Variants in NRXN3 observed in about 807,000 individuals in gnomAD.
NRXN3 encodes the protein neurexin III.
In NRXN3, 32 loss-of-function variants were observed where a neutral mutation model predicts 137.6. That is an observed-to-expected ratio of 0.23 (90% CI 0.18 to 0.31). The LOEUF is 0.31. Ranked by LOEUF, NRXN3 falls within the 10% of genes least tolerant of loss-of-function variation. NRXN3 has a pLI of 1.00. For synonymous variants in NRXN3, 798 were observed against 784.5 expected (o/e 1.02, Z -0.29); for missense variants, 1,574 against 2,062.5 (o/e 0.76, Z 4.59).
intron 4 of NRXN3, among the ~76,000 whole-genome samples, chr14:78,454,579 T>C (rs2094636343): frequency 6.6e-6 from 1 of 152,236 alleles, no homozygotes; most frequent in Non-Finnish European, 1.5e-5. Context: ...GGATTTGGTC[T>C]GTCTCATTTA....
At chr14:79,377,925 A>T (rs927971703) in intron 15 of NRXN3, among the ~76,000 whole-genome samples, 1 of 152,212 alleles carries the variant, frequency 6.6e-6, no homozygotes, top group Non-Finnish European at 1.5e-5. Flanking sequence ...TCAGTTATAC[A>T]GGTTGAAATG....
At chr14:78,761,211 C>T (rs964370371) in intron 8 of NRXN3, among the ~76,000 whole-genome samples, 2 of 152,168 alleles carry the variant, frequency 1.3e-5, no homozygotes, top group Non-Finnish European at 2.9e-5. Context: ...ATATGTGTTT[C>T]TTCTTGAGAC....
intron 19 of NRXN3, among the ~76,000 whole-genome samples, chr14:79,719,026 A>T (rs1324569647): frequency 6.6e-6 from 1 of 152,126 alleles, no homozygotes; most frequent in Non-Finnish European, 1.5e-5. Flanking sequence ...TGGATTTTAA[A>T]TGTTACCTTC....
chr14:79,470,878 GAGAGAGAGAA>G (rs2096491560), intron 16 of NRXN3, among the ~76,000 whole-genome samples: 1 of 151,378 alleles, frequency 6.6e-6, no homozygotes, highest in Non-Finnish European at 1.5e-5. Context: ...GTGTGTGAGA[GAGAGAGAGAA>G]AGAGAGAGAG....
intron 15 of NRXN3, among the ~76,000 whole-genome samples, chr14:79,410,674 T>G (rs1426967463): frequency 6.6e-6 from 1 of 152,126 alleles, no homozygotes; most frequent in Non-Finnish European, 1.5e-5. Context: ...CTAAATAGCC[T>G]TTATGTCCCA....
intron 16 of NRXN3, among the ~76,000 whole-genome samples, chr14:79,588,079 T>C (rs369500859): frequency 2.6e-5 from 4 of 152,168 alleles, no homozygotes; most frequent in Non-Finnish European, 5.9e-5. Context: ...AAATGTCATG[T>C]GTCAAGGTGT....
At chr14:79,426,739 T>A (rs1263916203) in intron 15 of NRXN3, among the ~76,000 whole-genome samples, 1 of 152,146 alleles carries the variant, frequency 6.6e-6, no homozygotes, top group Non-Finnish European at 1.5e-5. Flanking sequence ...GGGACTGTCA[T>A]GGGGAGGGAC....
At position 78,575,641 on chromosome 14, in the gene NRXN3, A is replaced by T. The variant is rs1199177592; in HGVS notation, c.758-69479A>T. Among the ~76,000 whole-genome samples, 10 of 152,342 alleles carry T rather than the reference A, an allele frequency of 6.6e-5. No individual in the cohort carries two copies. In the East Asian group the frequency reaches 1.9e-3, roughly 29 times the overall value. ...AAAATTCCTTAGAGTTTATATTCTAATGGCGAGTCATAAGTAATCTACAAA... is the reference window on the plus strand; with the variant it reads ...AAAATTCCTTAGAGTTTATATTCTATTGGCGAGTCATAAGTAATCTACAAA... On this transcript the variant is annotated intron_variant, in intron 4 of 20. Coordinates refer to ENST00000335750, the MANE Select transcript of NRXN3 (RefSeq NM_001330195.2).
intron 4 of NRXN3, among the ~76,000 whole-genome samples, chr14:78,337,921 T>TA (rs1487655215): frequency 2.0e-5 from 3 of 152,136 alleles, no homozygotes; most frequent in Non-Finnish European, 4.4e-5. Context: ...CTGAGGGTCA[T>TA]GACTGACTCA....
chr14:78,895,660 A>C (rs1050535735), intron 10 of NRXN3, among the ~76,000 whole-genome samples: 1 of 151,958 alleles, frequency 6.6e-6, no homozygotes, highest in African/African-American at 2.4e-5. Context: ...ATCTCAGCCT[A>C]TCTCAGTTTT....
chr14:78,915,665 C>G (rs934115562), intron 10 of NRXN3, among the ~76,000 whole-genome samples: 2 of 152,136 alleles, frequency 1.3e-5, no homozygotes, highest in African/African-American at 4.8e-5. Flanking sequence ...GAGTTACCCT[C>G]TGTGCAGCTT....
At chr14:79,469,753 T>C (rs1461931550) in intron 16 of NRXN3, among the ~76,000 whole-genome samples, 1 of 152,198 alleles carries the variant, frequency 6.6e-6, no homozygotes, top group African/African-American at 2.4e-5. Context: ...ATCTGTGTGA[T>C]TCTAGAGTGA....
intron 10 of NRXN3, among the ~76,000 whole-genome samples, chr14:78,953,886 G>A (rs188685046): frequency 6.6e-6 from 1 of 152,254 alleles, no homozygotes; most frequent in East Asian, 1.9e-4. Context: ...AAAGTTAATG[G>A]TTTTGAGACG....
At chr14:79,564,481 C>A (rs974298104) in intron 16 of NRXN3, among the ~76,000 whole-genome samples, 1 of 152,088 alleles carries the variant, frequency 6.6e-6, no homozygotes, top group Non-Finnish European at 1.5e-5. Flanking sequence ...TAGCTAAGTG[C>A]TAAATATAAT....
chr14:79,768,509 G>A (rs2099064486), intron 19 of NRXN3, among the ~76,000 whole-genome samples: 3 of 152,148 alleles, frequency 2.0e-5, no homozygotes, highest in African/African-American at 7.2e-5. Context: ...CCCAGCAGGG[G>A]CAGACTGACA....
rs118184602 is a variant in NRXN3, at chr14:78,902,328, C to G, written c.2276-54914C>G. The stretch of plus-strand genomic sequence containing the variant: ...CCTTATTTCTAATTTATGTTTTAAC[C>G]TGGGATGTGTTTGGTCACCACTTAT... On this transcript the variant is annotated intron_variant, in intron 10 of 20. Transcript: ENST00000335750. Among the ~76,000 whole-genome samples, 12 of 152,128 alleles carry G rather than the reference C, an allele frequency of 7.9e-5. No homozygotes were observed. In the East Asian group the frequency reaches 1.7e-3, roughly 22 times the overall value.
chr14:79,292,625 A>T (rs1278573751), intron 15 of NRXN3, among the ~76,000 whole-genome samples: 1 of 152,232 alleles, frequency 6.6e-6, no homozygotes. Flanking sequence ...GATCACCTTG[A>T]ATCTACTTTT....
At chr14:79,748,776 T>C (rs1268847521) in intron 19 of NRXN3, among the ~76,000 whole-genome samples, 4 of 152,064 alleles carry the variant, frequency 2.6e-5, no homozygotes, top group Non-Finnish European at 5.9e-5. Flanking sequence ...TCTTTTGCCA[T>C]AGAGCTATTG....
intron 6 of NRXN3, among the ~76,000 whole-genome samples, chr14:78,687,257 G>T (rs768816296): frequency 5.9e-5 from 9 of 152,220 alleles, no homozygotes; most frequent in Non-Finnish European, 2.9e-5. Flanking sequence ...GCGCTATTTA[G>T]CAAGGGAGTG....
Sources: allele counts gnomAD v4.1 joint callset (sites outside exome capture counted in the v4.1 genomes callset), GRCh38; gene constraint gnomAD v4.1.1; transcripts MANE v1.5; gene names NCBI Gene and HGNC (gene_info 2026-07-23, HGNC 2026-07-21).